The following DNAH9 variants were observed in gnomAD, a reference collection of about 807,000 sequenced individuals.
DNAH9 encodes the protein DNAH9 variant protein.
Under a neutral mutation model 471.6 loss-of-function variants are expected in DNAH9, and 345 were observed. The observed-to-expected ratio is 0.73, with a 90% confidence interval of 0.67 to 0.80. The LOEUF (loss-of-function observed/expected upper bound fraction) is 0.80. Among genes scored for constraint, DNAH9 ranks in the 30% least tolerant of loss-of-function variants. The pLI is 0.00. For missense variants in DNAH9, 5,407 were observed against 5,609.2 expected (o/e 0.96, Z 1.15); for synonymous variants, 2,093 against 2,123.6 (o/e 0.99, Z 0.40).
intron 26 of DNAH9, among the ~76,000 whole-genome samples, chr17:11,718,411 AT>A: frequency 6.6e-6 from 1 of 152,372 alleles, no homozygotes; most frequent in Non-Finnish European, 1.5e-5. Flanking sequence ...ACAGGTAGAT[AT>A]TGTGCTACGC....
chr17:11,919,150 G>A (rs915599016), intron 61 of DNAH9, among the ~76,000 whole-genome samples: 1 of 151,940 alleles, frequency 6.6e-6, no homozygotes, highest in African/African-American at 2.4e-5. Context: ...TCCACCAGAG[G>A]GCATGTTTTT....
rs1178327514 is a variant in DNAH9 at position 11,719,337 on chromosome 17, C to G, written c.5556C>G (p.Cys1852Trp). 6.2e-7 allele frequency: 1 copy of G among 1,613,814 alleles called. No homozygotes were observed. Among genetic ancestry groups the G allele is most frequent in the Non-Finnish European group, 8.5e-7 (1 of 1,179,886 alleles). ...TATGCCCTCCCGTGTTTGGCAGGTG[C>G]TACATCACCCTCACCCAGTCCCTGC... is the stretch of plus-strand genomic sequence containing the variant. ...RLVITPLTDRCYITLTQSLHL... is the reference protein window; with the variant it reads ...RLVITPLTDRWYITLTQSLHL... Residue 1852 changes from cysteine (C) to tryptophan (W), a missense_variant, in exon 27 of 69, where the codon TGC (cysteine) becomes TGG (tryptophan). Cys to Trp is a radical substitution (Grantham distance 215, BLOSUM62 -2). Around this residue, in one of 3 missense-constraint regions of DNAH9, gnomAD observed 4,636 missense variants for 4,900.3 expected, o/e 0.95. Transcript: ENST00000262442.
At chr17:11,920,875 T>C (rs538708742) in intron 61 of DNAH9, among the ~76,000 whole-genome samples, 1 of 152,200 alleles carries the variant, frequency 6.6e-6, no homozygotes, top group South Asian at 2.1e-4. Context: ...GTGCAATGGC[T>C]CATGCCTGTA....
In DNAH9 at chr17:11,640,251, G is replaced by C; in HGVS notation, c.1787-19G>C. On this transcript the variant is annotated intron_variant, in intron 9 of 68. Coordinates refer to ENST00000262442, the MANE Select transcript of DNAH9 (RefSeq NM_001372.4). ...AGGTGCTCTAGACTCATTTCGGTCT[G>C]TCTGTGCCATGTCTCCAGGGTTCTC... is the stretch of plus-strand genomic sequence containing the variant. 6.4e-7 allele frequency: 1 copy of C among 1,551,676 alleles called. No homozygotes were observed. The highest frequency in any genetic ancestry group is 8.9e-7 in the Non-Finnish European group (1 of 1,125,974).
intron 36 of DNAH9, among the ~76,000 whole-genome samples, chr17:11,767,870 T>G (rs1161193756): frequency 3.9e-5 from 6 of 152,278 alleles, no homozygotes; most frequent in Admixed American, 3.3e-4. Context: ...GCTCCTAGAT[T>G]CTAGGATTTT....
chr17:11,647,129 C>T lies in DNAH9; in HGVS notation c.2028C>T (p.Tyr676=), dbSNP rs745828580. ...GGACAGTATCAGAGAAGTCACAGTA[C>T]AATCTTTCCCAACCACTTCTAAAAC... ...WCRTVSEKSQ[Y]NLSQPLLKRD... is the part of the protein sequence containing the mutation. Residue 676 remains tyrosine, a synonymous_variant, in exon 12 of 69, where the codon TAC becomes TAT. Coordinates refer to ENST00000262442, the MANE Select transcript of DNAH9 (RefSeq NM_001372.4). 4.3e-6 allele frequency: 7 copies of T among 1,613,710 alleles called. No homozygotes were observed. The highest frequency in any genetic ancestry group is 5.9e-6 in the Non-Finnish European group (7 of 1,179,770).
intron 63 of DNAH9, among the ~76,000 whole-genome samples, chr17:11,930,590 G>T (rs1194072711): frequency 6.6e-6 from 1 of 152,006 alleles, no homozygotes; most frequent in African/African-American, 2.4e-5. Flanking sequence ...ATGGCCCCTG[G>T]ACCAGCAGCA....
chr17:11,756,259 A>C (rs971424703), intron 33 of DNAH9, among the ~76,000 whole-genome samples: 1 of 136,678 alleles, frequency 7.3e-6, no homozygotes, highest in African/African-American at 2.7e-5. Context: ...CCTGGGTGAC[A>C]GAGCGAGACT....
intron 51 of DNAH9, 123 bp from the exon 52 acceptor site, chr17:11,871,475 A>G (rs1267708590): frequency 3.6e-6 from 3 of 835,898 alleles, no homozygotes; most frequent in Non-Finnish European, 5.8e-6. Flanking sequence ...AAAGGGCCAT[A>G]TAAGTGATAT....
intron 49 of DNAH9, among the ~76,000 whole-genome samples, chr17:11,842,565 G>GC (rs2150960064): frequency 6.6e-6 from 1 of 152,324 alleles, no homozygotes; most frequent in South Asian, 2.1e-4. Context: ...AGCTGACAGT[G>GC]CAGCCTTCAG....
At position 11,834,738 on chromosome 17, in the gene DNAH9, A is replaced by T. The variant is rs142590405; in HGVS notation, c.9347A>T (p.Asp3116Val). ...KLIQVVGVET[D>V]KVSREKAMAD... ...ATTCAGGTCGTGGGTGTGGAGACTG[A>T]CAAAGTGAGCAGAGAGAAAGCCATG... Residue 3116 changes from aspartate to valine, a missense_variant, in exon 49 of 69, where the codon GAC (aspartate) becomes GTC (valine). By Grantham distance (152) the Asp-to-Val change is radical (BLOSUM62 -3). Transcript: ENST00000262442. 14 of 1,614,004 alleles carry T rather than the reference A, an allele frequency of 8.7e-6. No homozygotes were observed. The African/African-American group carries it at 1.6e-4, about 18-fold the overall frequency.
chr17:11,680,118 C>T (rs190756554), intron 18 of DNAH9, 139 bp downstream of exon 18: 4 of 665,386 alleles, frequency 6.0e-6, no homozygotes, highest in Non-Finnish European at 1.0e-5. Flanking sequence ...TAATGTGTAG[C>T]GTATTTGTAA....
chr17:11,794,313 C>T (rs372721513), intron 42 of DNAH9, among the ~76,000 whole-genome samples: 1 of 152,162 alleles, frequency 6.6e-6, no homozygotes, highest in Non-Finnish European at 1.5e-5. Context: ...CCACCCGCCT[C>T]GGCCTCCCAA....
intron 24 of DNAH9, among the ~76,000 whole-genome samples, chr17:11,702,541 G>A (rs2074619325): frequency 1.3e-5 from 2 of 152,182 alleles, no homozygotes; most frequent in Admixed American, 1.3e-4. Flanking sequence ...AGCCAGAGGA[G>A]GAGGAAGGAG....
At chr17:11,624,434 G>A (rs1044107089) in intron 6 of DNAH9, among the ~76,000 whole-genome samples, 3 of 152,144 alleles carry the variant, frequency 2.0e-5, no homozygotes, top group Non-Finnish European at 4.4e-5. Context: ...GCTGGAACCT[G>A]GGAGGCAGAG....
chr17:11,954,926 T>A (rs1264472952), intron 67 of DNAH9, among the ~76,000 whole-genome samples: 6 of 152,310 alleles, frequency 3.9e-5, no homozygotes, highest in African/African-American at 9.6e-5. Context: ...AATCTTTTTT[T>A]AAAAATAATA....
chr17:11,908,832 C>T (rs1316303522), intron 61 of DNAH9, among the ~76,000 whole-genome samples: 3 of 152,136 alleles, frequency 2.0e-5, no homozygotes, highest in African/African-American at 7.2e-5. Flanking sequence ...CCGCGGATGC[C>T]GGGTGTTTAT....
At chr17:11,846,143 G>A (rs1270782563) in intron 49 of DNAH9, among the ~76,000 whole-genome samples, 64 of 139,560 alleles carry the variant, frequency 4.6e-4, no homozygotes, top group African/African-American at 1.5e-3. Context: ...TAGGTCTAAC[G>A]TTTAAGTCTT....
At chr17:11,844,232 A>C (rs1433623002) in intron 49 of DNAH9, among the ~76,000 whole-genome samples, 1 of 152,136 alleles carries the variant, frequency 6.6e-6, no homozygotes, top group African/African-American at 2.4e-5. Flanking sequence ...TAAAAGCTTT[A>C]AATTTCTGTA....
Sources: gnomAD v4.1 joint callset for allele counts (sites outside exome capture counted in the v4.1 genomes callset) on GRCh38, gnomAD v4.1.1 for gene constraint, gnomAD v4.1.1 regional missense constraint, MANE v1.5 for transcripts, NCBI Gene and HGNC (gene_info 2026-07-23, HGNC 2026-07-21) for gene names.